The following TXLNB variants were observed in gnomAD, a reference collection of about 807,000 sequenced individuals.
TXLNB encodes taxilin beta, also known as beta-taxilin.
TXLNB carries 37 observed loss-of-function variants against 57.4 expected under a neutral mutation model. The ratio of observed to expected loss-of-function variants is 0.64; its 90% CI spans 0.50 to 0.85. The LOEUF (loss-of-function observed/expected upper bound fraction) is 0.85. TXLNB is among the 40% of genes least tolerant of loss of function. The pLI is 0.00. For synonymous variants in TXLNB, 302 were observed against 309.6 expected (o/e 0.98, Z 0.26); for missense variants, 848 against 825.6 (o/e 1.03, Z -0.33).
intron 2 of TXLNB, among the ~76,000 whole-genome samples, chr6:139,285,652 G>C (rs1321948521): frequency 6.9e-6 from 1 of 145,058 alleles, no homozygotes; most frequent in African/African-American, 2.5e-5. Flanking sequence ...AGGCCTTCTT[G>C]AAAGCATTGT....
chr6:139,314,033 C>T, the TXLNB span, among the ~76,000 whole-genome samples: 2 of 152,174 alleles, frequency 1.3e-5, no homozygotes, highest in Non-Finnish European at 2.9e-5. Context: ...CAAATTCCAA[C>T]CTGACCCGAG....
the TXLNB span, chr6:139,178,334 CTG>C: frequency 2.6e-5 from 4 of 152,098 alleles, no homozygotes; most frequent in Non-Finnish European, 5.9e-5. Flanking sequence ...TTTAAATAGA[CTG>C]ACGTCGCATA....
At chr6:139,315,250 A>C in the TXLNB span, among the ~76,000 whole-genome samples, 1 of 152,024 alleles carries the variant, frequency 6.6e-6, no homozygotes, top group African/African-American at 2.4e-5. Context: ...TACCCACCAA[A>C]TTATCTTTAA....
the TXLNB span, chr6:139,174,422 C>T: frequency 6.2e-7 from 1 of 1,613,734 alleles, no homozygotes; most frequent in Non-Finnish European, 8.5e-7. Context: ...GCGTGGACTG[C>T]CTGGAAGGGG....
At chr6:139,259,554 T>A (rs943901773) in intron 6 of TXLNB, among the ~76,000 whole-genome samples, 1 of 152,198 alleles carries the variant, frequency 6.6e-6, no homozygotes, top group Non-Finnish European at 1.5e-5. Context: ...CCAGGAGGCC[T>A]TCCTGGTCAC....
downstream of TXLNB, among the ~76,000 whole-genome samples, chr6:139,235,605 T>C (rs1343344719): frequency 6.6e-6 from 1 of 152,068 alleles, no homozygotes; most frequent in Non-Finnish European, 1.5e-5. Flanking sequence ...ACAGGGGTGG[T>C]TTCCCCCATG....
At chr6:139,270,404 G>A (rs1776727981) in intron 4 of TXLNB, 52 bp downstream of exon 4, 4 of 1,542,730 alleles carry the variant, frequency 2.6e-6, no homozygotes, top group South Asian at 1.2e-5. Flanking sequence ...GCAGAGGCCT[G>A]TCTCTGTGCC....
chr6:139,260,360 C>A lies in TXLNB; in HGVS notation c.960G>T (p.Met320Ile). 1 of 1,614,188 alleles carries A rather than the reference C, an allele frequency of 6.2e-7. No homozygotes were observed. The highest frequency in any genetic ancestry group is 2.2e-5 in the East Asian group (1 of 44,888). ...TGTGTCGCTCCTCCGCTTCCTTCAT[C>A]ATTTCTTGGGCCTGCTCAAGCTTTG... ...VDAKLEQAQE[M>I]MKEAEERHKR... The change falls in exon 6 of 10, where the codon ATG becomes ATT. Residue 320 changes from methionine (M) to isoleucine (I), a missense_variant. Met to Ile is a conservative substitution (Grantham distance 10, BLOSUM62 1). Coordinates refer to ENST00000358430, the MANE Select transcript of TXLNB (RefSeq NM_153235.4).
At chr6:139,229,209 A>G in the TXLNB span, among the ~76,000 whole-genome samples, 2 of 152,194 alleles carry the variant, frequency 1.3e-5, no homozygotes, top group Non-Finnish European at 2.9e-5. Context: ...CCAATACCAT[A>G]TTGACAGTTT....
chr6:139,269,797 A>G (rs1003207070), intron 4 of TXLNB, among the ~76,000 whole-genome samples: 1 of 152,192 alleles, frequency 6.6e-6, no homozygotes, highest in African/African-American at 2.4e-5. Flanking sequence ...GCATCTTGCT[A>G]TATTGAATGG....
At chr6:139,162,043 A>G in the TXLNB span, among the ~76,000 whole-genome samples, 2 of 152,144 alleles carry the variant, frequency 1.3e-5, no homozygotes, top group Admixed American at 6.5e-5. Context: ...TTGGTGAGCC[A>G]GTATCTTTAA....
chr6:139,247,886 A>C lies in TXLNB; in HGVS notation c.1101T>G (p.Phe367Leu). The C allele has an allele frequency of 6.2e-7, 1 of 1,607,444 alleles. No homozygotes were observed. Among genetic ancestry groups the C allele is most frequent in the South Asian group, 1.1e-5 (1 of 89,876 alleles). ...QAQLTLYSGR[F>L]EEFQSTLTKS... ...TAGTTAGTGTGCTCTGGAATTCTTC[A>C]AACCTTCCTGAGTAGAGAGTGAGCT... Residue 367 changes from phenylalanine to leucine, a missense_variant, in exon 8 of 10, where the codon TTT (phenylalanine) becomes TTG (leucine). Transcript: ENST00000358430.
the TXLNB span, among the ~76,000 whole-genome samples, chr6:139,197,302 T>C: frequency 6.6e-6 from 1 of 152,356 alleles, no homozygotes; most frequent in South Asian, 2.1e-4. Flanking sequence ...CTGTATATTA[T>C]ATTTATGTAT....
At chr6:139,256,275 C>A (rs1018366558) in intron 6 of TXLNB, among the ~76,000 whole-genome samples, 6 of 152,166 alleles carry the variant, frequency 3.9e-5, no homozygotes, top group African/African-American at 1.2e-4. Context: ...TCTGCTGGAA[C>A]CTCTCCAGAA....
chr6:139,176,418 G>A, the TXLNB span, among the ~76,000 whole-genome samples: 1 of 152,216 alleles, frequency 6.6e-6, no homozygotes, highest in African/African-American at 2.4e-5. The surrounding 1 kb of genome is among the most constrained non-coding windows in gnomAD (Gnocchi z 4.5). Flanking sequence ...AAAGGTTCCA[G>A]GACTGTGCTG....
chr6:139,228,241 C>A, the TXLNB span, among the ~76,000 whole-genome samples: 22 of 152,186 alleles, frequency 1.4e-4, no homozygotes, highest in East Asian at 2.5e-3. Flanking sequence ...CTAGGCTGGG[C>A]GCAGTGGCTC....
chr6:139,189,925 C>T, the TXLNB span, among the ~76,000 whole-genome samples: 1 of 152,168 alleles, frequency 6.6e-6, no homozygotes, highest in African/African-American at 2.4e-5. Flanking sequence ...TCTTTGACAA[C>T]TTCTATCCAT....
the TXLNB span, among the ~76,000 whole-genome samples, chr6:139,185,292 A>G: frequency 1.3e-5 from 2 of 152,224 alleles, no homozygotes; most frequent in East Asian, 3.8e-4. Context: ...AATCTTGGTT[A>G]TCAAGCTGCT....
At chr6:139,184,648 T>G in the TXLNB span, among the ~76,000 whole-genome samples, 3 of 152,246 alleles carry the variant, frequency 2.0e-5, no homozygotes, top group Non-Finnish European at 4.4e-5. Context: ...AGCTTTGAGT[T>G]ATTTTTGGAT....
Sources: allele counts gnomAD v4.1 joint callset (sites outside exome capture counted in the v4.1 genomes callset), GRCh38; gene constraint gnomAD v4.1.1; non-coding constraint Gnocchi (gnomAD v3.1); transcripts MANE v1.5; gene names NCBI Gene and HGNC (gene_info 2026-07-23, HGNC 2026-07-21).